The following FOXRED1 variants were observed in gnomAD, a reference collection of about 807,000 sequenced individuals.
The protein encoded by FOXRED1 is FAD-dependent oxidoreductase domain-containing protein 1.
Under a neutral mutation model 57.8 loss-of-function variants are expected in FOXRED1, and 52 were observed. That is an observed-to-expected ratio of 0.90 (90% CI 0.72 to 1.13). The LOEUF (loss-of-function observed/expected upper bound fraction) is 1.13. Among genes scored for constraint, FOXRED1 ranks in the 50% most tolerant of loss-of-function variants. The probability of loss-of-function intolerance (pLI) is 0.00; values close to 1 mark genes in which losing one functional copy is unlikely to be tolerated. For missense variants in FOXRED1, 589 were observed against 625.2 expected (o/e 0.94, Z 0.62); for synonymous variants, 271 against 248.3 (o/e 1.09, Z -0.86).
Position 126,273,151 on chromosome 11 carries a change from T to C in FOXRED1, c.417+72T>C. On this transcript the variant is annotated intron_variant, in intron 3 of 10. Coordinates refer to ENST00000263578, the MANE Select transcript of FOXRED1 (RefSeq NM_017547.4). The surrounding 1 kb of genome is among the most constrained non-coding windows in gnomAD (Gnocchi z 5.9). ...AGCCCAGAGTGGGGAGCAGCCCAGC[T>C]AGCAAGGTAGCCAGAGAGCAAGAAT... The C allele has an allele frequency of 9.7e-7, 1 of 1,026,814 alleles. No homozygotes were observed. Among genetic ancestry groups the C allele is most frequent in the Non-Finnish European group, 1.6e-6 (1 of 643,614 alleles). The allele number at this position is 1,026,814 out of a possible 1,614,324, so 63.6% of individuals were successfully genotyped here. A position where few individuals can be genotyped will look rare whatever the true frequency, so the allele number is the denominator to read the frequency against.
Position 126,274,053 on chromosome 11 carries a change from G to C in FOXRED1, c.536+599G>C, listed in dbSNP as rs663312. The C allele has an allele frequency of 0.6, 98,282 of 163,158 alleles. 30,844 individuals carry two copies. The highest frequency in any genetic ancestry group is 0.98 in the East Asian group (5,806 of 5,898). 10.1% of individuals were successfully genotyped at this position (163,158 alleles called of 1,614,324 possible). A position where few individuals can be genotyped will look rare whatever the true frequency, so the allele number is the denominator to read the frequency against. The stretch of plus-strand genomic sequence containing the variant: ...TTATTTAACAAACACCCAAGTCTCA[G>C]AGTGACATCAATTAATATCCTAAAT... On this transcript the variant is annotated intron_variant, in intron 4 of 10. Coordinates refer to ENST00000263578, the MANE Select transcript of FOXRED1 (RefSeq NM_017547.4). This position sits in a 1 kb window ranked among gnomAD's most constrained non-coding sequence, Gnocchi z 4.8.
At position 126,275,822 on chromosome 11, in the gene FOXRED1, G is replaced by T. The variant is rs757509181; in HGVS notation, c.762G>T (p.Leu254Phe). Residue 254 changes from leucine (L) to phenylalanine (F), a missense_variant, in exon 7 of 11, where the codon TTG (leucine) becomes TTT (phenylalanine). By Grantham distance (22) the Leu-to-Phe change is conservative. Coordinates refer to ENST00000263578, the MANE Select transcript of FOXRED1 (RefSeq NM_017547.4). This position sits in a 1 kb window ranked among gnomAD's most constrained non-coding sequence, Gnocchi z 5.9. ...TTGTCTCTTCATCTCAACGCATGTT[G>T]ACCACAGATGACAAAGCGGTGGTCT... ...TRFVSSSQRM[L>F]TTDDKAVVLK... 1 of 1,613,018 alleles carries T rather than the reference G, an allele frequency of 6.2e-7. No individual in the cohort carries two copies. Among genetic ancestry groups the T allele is most frequent in the Non-Finnish European group, 8.5e-7 (1 of 1,179,226 alleles).
In FOXRED1 at chr11:126,274,917, T is replaced by G. The variant is rs775719424; in HGVS notation, c.537-10T>G. ...TGACACACATACACCGACCCACACG[T>G]TTATCTCAGGCAGGAGGGAGCCAAA... On this transcript the variant is annotated splice_polypyrimidine_tract_variant and intron_variant, in intron 4 of 10. Coordinates refer to ENST00000263578, the MANE Select transcript of FOXRED1 (RefSeq NM_017547.4). This position sits in a 1 kb window ranked among gnomAD's most constrained non-coding sequence, Gnocchi z 4.8. The G allele has an allele frequency of 1.3e-6, 2 of 1,563,626 alleles. No individual in the cohort carries two copies. The highest frequency in any genetic ancestry group is 8.8e-7 in the Non-Finnish European group (1 of 1,134,152).
At position 126,275,439 on chromosome 11, in the gene FOXRED1, G is replaced by A. The variant is rs1396997231; in HGVS notation, c.733+11G>A. ...AGGGAGAGGTGACACGTGAGTCTGA[G>A]CTTGTTTCCTCTAGCAACCGGGGCA... On this transcript the variant is annotated intron_variant, in intron 6 of 10. Coordinates refer to ENST00000263578, the MANE Select transcript of FOXRED1 (RefSeq NM_017547.4). The surrounding 1 kb of genome is among the most constrained non-coding windows in gnomAD (Gnocchi z 5.9). 3 of 1,574,320 alleles carry A rather than the reference G, an allele frequency of 1.9e-6. No individual in the cohort carries two copies. Among genetic ancestry groups the A allele is most frequent in the Non-Finnish European group, 2.6e-6 (3 of 1,143,628 alleles).
Position 126,276,400 on chromosome 11 carries a change from G to A in FOXRED1, c.978G>A (p.Val326=). ...ACCGCACTGGTTGTGGCAGGTATGT[G>A]TATGTGTGGCACTGCCCCCAGGGAC... The part of the protein sequence containing the change: ...KLPVEPRKRY[V]YVWHCPQGPG... The change falls in exon 9 of 11, where the codon GTG becomes GTA. Residue 326 remains valine, a synonymous_variant. Transcript: ENST00000263578. 1 of 1,502,784 alleles carries A rather than the reference G, an allele frequency of 6.7e-7. No individual in the cohort carries two copies. The highest frequency in any genetic ancestry group is 9.0e-7 in the Non-Finnish European group (1 of 1,110,776). The allele number at this position is 1,502,784 out of a possible 1,614,324, so 93.1% of individuals were successfully genotyped here. A position where few individuals can be genotyped will look rare whatever the true frequency, so the allele number is the denominator to read the frequency against.
At position 126,273,184 on chromosome 11, in the gene FOXRED1, C is replaced by T. The variant is rs543529584; in HGVS notation, c.417+105C>T. 2.1e-6 allele frequency: 2 copies of T among 961,500 alleles called. No homozygotes were observed. The highest frequency in any genetic ancestry group is 2.6e-5 in the South Asian group (2 of 78,148). 59.6% of individuals were successfully genotyped at this position (961,500 alleles called of 1,614,324 possible). A position where few individuals can be genotyped will look rare whatever the true frequency, so the allele number is the denominator to read the frequency against. On this transcript the variant is annotated intron_variant, in intron 3 of 10. Transcript: ENST00000263578. This position sits in a 1 kb window ranked among gnomAD's most constrained non-coding sequence, Gnocchi z 5.9. ...TAGCCAGAGAGCAAGAATGGGTCAG[C>T]CAACTAGGAGAGGGGGGCCCTGGCC...
rs758110258 is a variant in FOXRED1 at position 126,277,861 on chromosome 11, G to A, written c.*172G>A. 87 of 745,122 alleles carry A rather than the reference G, an allele frequency of 1.2e-4. No homozygotes were observed. Among genetic ancestry groups the A allele is most frequent in the Non-Finnish European group, 1.8e-4 (75 of 422,734 alleles). The allele number at this position is 745,122 out of a possible 1,614,324, so 46.2% of individuals were successfully genotyped here. On this transcript the variant is annotated 3_prime_UTR_variant, in exon 11 of 11. Transcript: ENST00000263578. The surrounding 1 kb of genome is among the most constrained non-coding windows in gnomAD (Gnocchi z 6.8). ...TGGCTGGGCAGGCACAGGCAGTGAG[G>A]CCGAGGCCAATAGCGAGTGATGAGC...
At chr11:126,276,287 G>A (rs193267014) in intron 8 of FOXRED1, 68 bp downstream of exon 8, 46 of 1,071,506 alleles carry the variant, frequency 4.3e-5, no homozygotes, top group East Asian at 2.4e-4. Context: ...GTTGGATAGC[G>A]TGTGTGTGTG....
rs1360933633 is a variant in FOXRED1 at position 126,276,179 on chromosome 11, A to G, written c.931A>G (p.Thr311Ala). The G allele has an allele frequency of 1.2e-6, 2 of 1,607,728 alleles. No individual in the cohort carries two copies. The highest frequency in any genetic ancestry group is 2.2e-5 in the South Asian group (2 of 90,360). Residue 311 changes from threonine to alanine, a missense_variant, in exon 8 of 11, where the codon ACC becomes GCC. Thr to Ala is a moderately conservative substitution (Grantham distance 58). Transcript: ENST00000263578. Reference protein sequence around the residue: ...LAGVGEGPPGTLQGTKLPVEP... With the variant: ...LAGVGEGPPGALQGTKLPVEP... The stretch of plus-strand genomic sequence containing the variant: ...TGGTGTTGGAGAGGGGCCGCCTGGC[A>G]CCCTGCAGGGCACCAAGCTACCTGT...
In FOXRED1 at chr11:126,273,633, T is replaced by A. The variant is rs1951052826; in HGVS notation, c.536+179T>A. ...TGCCCTGGGAGTGCTGTACCACAGA[T>A]ATGGACAAAACACTGCGAGGTGCTT... On this transcript the variant is annotated intron_variant, in intron 4 of 10. Transcript: ENST00000263578. This position sits in a 1 kb window ranked among gnomAD's most constrained non-coding sequence, Gnocchi z 5.9. The A allele has an allele frequency of 3.0e-6, 2 of 659,030 alleles. No individual in the cohort carries two copies. Among genetic ancestry groups the A allele is most frequent in the African/African-American group, 3.6e-5 (2 of 56,114 alleles). 40.8% of individuals were successfully genotyped at this position (659,030 alleles called of 1,614,324 possible).
chr11:126,277,750 T>A lies in FOXRED1; in HGVS notation c.*61T>A. 6.4e-7 allele frequency: 1 copy of A among 1,574,678 alleles called. No homozygotes were observed. Among genetic ancestry groups the A allele is most frequent in the Non-Finnish European group, 8.7e-7 (1 of 1,145,832 alleles). On this transcript the variant is annotated 3_prime_UTR_variant, in exon 11 of 11. Coordinates refer to ENST00000263578, the MANE Select transcript of FOXRED1 (RefSeq NM_017547.4). The surrounding 1 kb of genome is among the most constrained non-coding windows in gnomAD (Gnocchi z 6.8). ...TCCTGGCTGTGTTCACAGCCTTGTT[T>A]GCTGCTTCCATCTTCCCCAGTACTG...
intron 1 of FOXRED1, among the ~76,000 whole-genome samples, chr11:126,269,986 CAAAA>C (rs58199526): frequency 2.6e-4 from 19 of 72,336 alleles, no homozygotes; most frequent in South Asian, 4.7e-4. Context: ...AACTCCGTCT[CAAAA>C]AAAAAAAAAA....
In FOXRED1 at chr11:126,277,066, T is replaced by C. The variant is rs1249348065; in HGVS notation, c.1102-5T>C. 1.9e-6 allele frequency: 3 copies of C among 1,593,182 alleles called. No individual in the cohort carries two copies. The African/African-American group carries it at 4.0e-5, about 21-fold the overall frequency. On this transcript the variant is annotated splice_region_variant and splice_polypyrimidine_tract_variant and intron_variant, in intron 9 of 10. Transcript: ENST00000263578. This position sits in a 1 kb window ranked among gnomAD's most constrained non-coding sequence, Gnocchi z 6.8. ...TGTAAGCGTTGTCCCCACCTCTCAC[T>C]CCAGCAGGAAGAACCGGACCCGGCG...
Position 126,276,064 on chromosome 11 carries a change from G to C in FOXRED1, c.816G>C (p.Lys272Asn). 1 of 1,612,906 alleles carries C rather than the reference G, an allele frequency of 6.2e-7. No individual in the cohort carries two copies. Among genetic ancestry groups the C allele is most frequent in the South Asian group, 1.1e-5 (1 of 91,076 alleles). The change falls in exon 8 of 11, where the codon AAG becomes AAC. Residue 272 changes from lysine to asparagine, a missense_variant. Physicochemically the swap from Lys to Asn is moderately conservative, Grantham distance 94. Transcript: ENST00000263578. ...VLKRIHEVHV[K>N]MDRSLEYQPV... is the part of the protein sequence containing the mutation. ...TCACCCTCTGGTGTCTGCAGGTGAA[G>C]ATGGACCGCAGCCTGGAGTACCAGC... is the stretch of plus-strand genomic sequence containing the variant.
rs1465062896 is a variant in FOXRED1, at chr11:126,272,926, G to T, written c.307-43G>T. 1 of 933,082 alleles carries T rather than the reference G, an allele frequency of 1.1e-6. No individual in the cohort carries two copies. The highest frequency in any genetic ancestry group is 1.3e-5 in the South Asian group (1 of 77,630). The allele number at this position is 933,082 out of a possible 1,614,324, so 57.8% of individuals were successfully genotyped here. On this transcript the variant is annotated intron_variant, in intron 2 of 10. Transcript: ENST00000263578. The surrounding 1 kb of genome is among the most constrained non-coding windows in gnomAD (Gnocchi z 4.6). Reference sequence around the variant, plus strand: ...TCATTGCAGTATTCTAGTCACATGTGATAGGGTACTGGTCTACCTCAACTT... The same window carrying T: ...TCATTGCAGTATTCTAGTCACATGTTATAGGGTACTGGTCTACCTCAACTT...
rs947654267 is a variant in FOXRED1 at position 126,275,559 on chromosome 11, A to G, written c.733+131A>G. On this transcript the variant is annotated intron_variant, in intron 6 of 10. Transcript: ENST00000263578. The surrounding 1 kb of genome is among the most constrained non-coding windows in gnomAD (Gnocchi z 5.9). Reference sequence around the variant, plus strand: ...CTGAGAGCAGGTCCTAGGCATCTTGACCTGGGCTCCTCACTGATCTGCGTT... The same window carrying G: ...CTGAGAGCAGGTCCTAGGCATCTTGGCCTGGGCTCCTCACTGATCTGCGTT... 7.9e-6 allele frequency: 6 copies of G among 761,994 alleles called. No homozygotes were observed. The highest frequency in any genetic ancestry group is 1.7e-5 in the African/African-American group (1 of 58,168). The allele number at this position is 761,994 out of a possible 1,614,324, so 47.2% of individuals were successfully genotyped here.
In FOXRED1 at chr11:126,275,610, G is replaced by A; in HGVS notation, c.733+182G>A. The A allele has an allele frequency of 1.4e-6, 1 of 714,486 alleles. No individual in the cohort carries two copies. Among genetic ancestry groups the A allele is most frequent in the Non-Finnish European group, 2.5e-6 (1 of 395,530 alleles). The allele number at this position is 714,486 out of a possible 1,614,324, so 44.3% of individuals were successfully genotyped here. On this transcript the variant is annotated intron_variant, in intron 6 of 10. Coordinates refer to ENST00000263578, the MANE Select transcript of FOXRED1 (RefSeq NM_017547.4). This position sits in a 1 kb window ranked among gnomAD's most constrained non-coding sequence, Gnocchi z 5.9. ...GTGACTTGTGATCTGCTTGATGATT[G>A]CACCTGAGCACTGTCCTGTCAGAGT...
Position 126,273,277 on chromosome 11 carries a change from G to A in FOXRED1, c.418-59G>A, listed in dbSNP as rs762004291. ...GGGGAGCTGTGGGGGAAGAAGGCAGGAAAACTCTTTCTGGCATCCTTAAGT... is the reference window on the plus strand; with the variant it reads ...GGGGAGCTGTGGGGGAAGAAGGCAGAAAAACTCTTTCTGGCATCCTTAAGT... On this transcript the variant is annotated intron_variant, in intron 3 of 10. Coordinates refer to ENST00000263578, the MANE Select transcript of FOXRED1 (RefSeq NM_017547.4). The surrounding 1 kb of genome is among the most constrained non-coding windows in gnomAD (Gnocchi z 5.9). 1.7e-5 allele frequency: 23 copies of A among 1,351,496 alleles called. No individual in the cohort carries two copies. The African/African-American group carries it at 2.1e-4, about 13-fold the overall frequency. 83.7% of individuals were successfully genotyped at this position (1,351,496 alleles called of 1,614,324 possible).
At chr11:126,276,924 G>A in intron 9 of FOXRED1, 147 bp from the exon 10 acceptor site, 1 of 701,710 alleles carries the variant, frequency 1.4e-6, no homozygotes, top group South Asian at 1.5e-5. Context: ...GGGGCTGTGT[G>A]CTGTGTTAAT....
Sources: gnomAD v4.1 joint callset for allele counts (sites outside exome capture counted in the v4.1 genomes callset) on GRCh38, gnomAD v4.1.1 for gene constraint, Gnocchi (gnomAD v3.1) non-coding constraint, MANE v1.5 for transcripts, NCBI Gene and HGNC (gene_info 2026-07-23, HGNC 2026-07-21) for gene names.